The following OPCML variants were observed in gnomAD, a reference collection of about 807,000 sequenced individuals.
OPCML encodes the protein opioid binding protein/cell adhesion molecule like.
In OPCML, 13 loss-of-function variants were observed where a neutral mutation model predicts 37.8. The observed-to-expected ratio is 0.34, with a 90% CI of 0.22 to 0.55. OPCML has a LOEUF of 0.55. OPCML is among the 20% of genes least tolerant of loss of function. The pLI, the probability that OPCML is intolerant of heterozygous loss-of-function variation, is 0.91. For synonymous variants in OPCML, 176 were observed against 168.8 expected, an observed-to-expected ratio of 1.04 and a Z score of -0.33; for missense variants, 341 against 435.6, an observed-to-expected ratio of 0.78 and a Z score of 1.93.
intron 2 of OPCML, among the ~76,000 whole-genome samples, chr11:132,762,757 G>A (rs999782643): frequency 2.0e-5 from 3 of 152,120 alleles, no homozygotes; most frequent in Non-Finnish European, 2.9e-5. Context: ...GGCTCCGTGG[G>A]GGTGGGATCT....
intron 1 of OPCML, among the ~76,000 whole-genome samples, chr11:133,204,884 A>ATATATATATGTGTG (rs1555114212): frequency 1.4e-4 from 5 of 36,286 alleles, no homozygotes; most frequent in African/African-American, 4.2e-4. Context: ...ATATATATAT[A>ATATATATATGTGTG]TATATATATA....
intron 1 of OPCML, among the ~76,000 whole-genome samples, chr11:133,514,628 C>A (rs1057225522): frequency 6.6e-6 from 1 of 152,122 alleles, no homozygotes; most frequent in African/African-American, 2.4e-5. Flanking sequence ...TGGTAGGAGA[C>A]TCCTTTCTTT....
chr11:133,158,894 C>G (rs1014967397), intron 1 of OPCML, among the ~76,000 whole-genome samples: 1 of 152,096 alleles, frequency 6.6e-6, no homozygotes, highest in African/African-American at 2.4e-5. Context: ...CCAGCGAGGG[C>G]AGAAATGTGG....
intron 3 of OPCML, among the ~76,000 whole-genome samples, chr11:132,656,043 T>C (rs1053614424): frequency 2.0e-5 from 3 of 152,070 alleles, no homozygotes; most frequent in African/African-American, 7.2e-5. Flanking sequence ...GAGAGCTCAC[T>C]GTGTTTCCTC....
intron 1 of OPCML, among the ~76,000 whole-genome samples, chr11:133,254,339 A>G (rs561277180): frequency 6.6e-6 from 1 of 152,338 alleles, no homozygotes; most frequent in East Asian, 1.9e-4. Context: ...ACACAGCTAC[A>G]GAACATGCAT....
intron 2 of OPCML, among the ~76,000 whole-genome samples, chr11:132,750,868 C>A (rs1945807337): frequency 6.6e-6 from 1 of 151,832 alleles, no homozygotes; most frequent in African/African-American, 2.4e-5. Flanking sequence ...GCATTTACCC[C>A]ACCCTTCCAC....
At chr11:132,513,611 C>T (rs4435011) in intron 4 of OPCML, among the ~76,000 whole-genome samples, 30,397 of 152,006 alleles carry the variant, frequency 0.2, 3,129 homozygotes, top group Non-Finnish European at 0.22. Flanking sequence ...TTTCATGTCT[C>T]TTCTCTTATC....
chr11:133,179,537 C>T (rs1937723973), intron 1 of OPCML, among the ~76,000 whole-genome samples: 1 of 152,132 alleles, frequency 6.6e-6, no homozygotes, highest in African/African-American at 2.4e-5. Context: ...TCTCTTTCTT[C>T]TCCATCCTTC....
chr11:132,546,086 C>T (rs1386160396), intron 3 of OPCML, among the ~76,000 whole-genome samples: 6 of 152,212 alleles, frequency 3.9e-5, no homozygotes, highest in South Asian at 2.1e-4. Context: ...AATTTTTAAA[C>T]GTTTTCCAAT....
chr11:132,565,862 G>C (rs112443917), intron 3 of OPCML, among the ~76,000 whole-genome samples: 37,701 of 152,008 alleles, frequency 0.25, 5,130 homozygotes, highest in East Asian at 0.45. Context: ...GTGAAACCCT[G>C]TCTCTACTAA....
chr11:133,326,717 T>G, intron 1 of OPCML, among the ~76,000 whole-genome samples: 3 of 49,454 alleles, frequency 6.1e-5, no homozygotes, highest in African/African-American at 8.6e-5. Context: ...TAGTGGGGTG[T>G]GGGTGTAGGG....
At chr11:132,487,675 T>A (rs2096204185) in intron 4 of OPCML, among the ~76,000 whole-genome samples, 1 of 152,148 alleles carries the variant, frequency 6.6e-6, no homozygotes, top group Non-Finnish European at 1.5e-5. Flanking sequence ...CAGGAAATAT[T>A]CCCTGATCTT....
chr11:133,145,780 G>A (rs1949888952), intron 1 of OPCML, among the ~76,000 whole-genome samples: 1 of 152,210 alleles, frequency 6.6e-6, no homozygotes, highest in African/African-American at 2.4e-5. Context: ...GGTCAGCACT[G>A]GAAGGTATAA....
intron 1 of OPCML, among the ~76,000 whole-genome samples, chr11:133,186,310 T>C (rs1363819770): frequency 6.6e-6 from 1 of 152,184 alleles, no homozygotes; most frequent in Non-Finnish European, 1.5e-5. Flanking sequence ...GGCTGCAGAT[T>C]TTTAAGGACA....
intron 2 of OPCML, among the ~76,000 whole-genome samples, chr11:132,918,914 G>A (rs1454121689): frequency 6.6e-6 from 1 of 152,194 alleles, no homozygotes; most frequent in African/African-American, 2.4e-5. Context: ...GGACACTTGT[G>A]TATGACTCAA....
rs1415761113 is a variant in OPCML, at chr11:133,206,714, T to C, written c.62-263704A>G. Among the ~76,000 whole-genome samples the C allele has an allele frequency of 6.6e-6, 1 of 152,148 alleles. No homozygotes were observed. Among genetic ancestry groups the C allele is most frequent in the Non-Finnish European group, 1.5e-5 (1 of 68,032 alleles). On this transcript the variant is annotated intron_variant, in intron 1 of 7. Coordinates refer to ENST00000524381, the MANE Select transcript of OPCML (RefSeq NM_001012393.5). This position sits in a 1 kb window ranked among gnomAD's most constrained non-coding sequence, Gnocchi z 4.7. Reference sequence around the variant, plus strand: ...CTATCTGTGTATCCTGGTGTGCTTGTTTACCAGCTGTGACCCACTGGTCTA... The same window carrying C: ...CTATCTGTGTATCCTGGTGTGCTTGCTTACCAGCTGTGACCCACTGGTCTA...
rs143156920 is a variant in OPCML at position 133,118,736 on chromosome 11, C to T, written c.62-175726G>A. Among the ~76,000 whole-genome samples the T allele has an allele frequency of 4.9e-3, 752 of 152,216 alleles. 4 individuals carry two copies. Among genetic ancestry groups the T allele is most frequent in the Non-Finnish European group, 9.0e-3 (613 of 68,018 alleles). Reference sequence around the variant, plus strand: ...CCCTGCAAGCAGCTCTGCAGTTCTTCCTTGAGGTGGCGGAGGCAGGAAGCT... The same window carrying T: ...CCCTGCAAGCAGCTCTGCAGTTCTTTCTTGAGGTGGCGGAGGCAGGAAGCT... On this transcript the variant is annotated intron_variant, in intron 1 of 7. Coordinates refer to ENST00000524381, the MANE Select transcript of OPCML (RefSeq NM_001012393.5).
chr11:133,025,310 T>C (rs1371399106), intron 1 of OPCML: 26 of 984,650 alleles, frequency 2.6e-5, no homozygotes, highest in Non-Finnish European at 3.0e-5. Flanking sequence ...TTTTTAATGT[T>C]GACATTTCTG....
chr11:133,047,381 G>A (rs1475065639), intron 1 of OPCML, among the ~76,000 whole-genome samples: 1 of 152,150 alleles, frequency 6.6e-6, no homozygotes, highest in Non-Finnish European at 1.5e-5. Flanking sequence ...TGCATTATCT[G>A]GGCATAAGTC....
Sources: gnomAD v4.1 joint callset for allele counts (sites outside exome capture counted in the v4.1 genomes callset) on GRCh38, gnomAD v4.1.1 for gene constraint, Gnocchi (gnomAD v3.1) non-coding constraint, MANE v1.5 for transcripts, NCBI Gene and HGNC (gene_info 2026-07-23, HGNC 2026-07-21) for gene names.